Variants in AHCTF1 observed in about 807,000 individuals in gnomAD.
AHCTF1 encodes the protein AT-hook containing transcription factor 1, also known as protein ELYS.
In AHCTF1, 24 loss-of-function variants were observed where a neutral mutation model predicts 248.4. That is an observed-to-expected ratio of 0.10 (90% CI 0.07 to 0.14). The LOEUF is 0.14. Among genes scored for constraint, AHCTF1 ranks in the 10% least tolerant of loss-of-function variants. The pLI, the probability that AHCTF1 is intolerant of heterozygous loss-of-function variation, is 1.00. For synonymous variants in AHCTF1, 786 were observed against 929.8 expected (o/e 0.85, Z 2.81); for missense variants, 2,206 against 2,636.2 (o/e 0.84, Z 3.57).
At chr1:246,931,092 C>T in intron 1 of AHCTF1, 1 of 1,546,638 alleles carries the variant, frequency 6.5e-7, no homozygotes, top group Non-Finnish European at 8.7e-7. Context: ...CACGGCTGAG[C>T]CCCGAGTCCA....
At position 246,888,404 on chromosome 1, in the gene AHCTF1, G is replaced by C. The variant is rs759207132; in HGVS notation, c.2258C>G (p.Ala753Gly). Residue 753 changes from alanine to glycine, a missense_variant, in exon 18 of 36, where the codon GCT becomes GGT. By Grantham distance (60) the Ala-to-Gly change is moderately conservative. Around this residue, in one of 6 missense-constraint regions of AHCTF1, gnomAD observed 650 missense variants for 870.8 expected, o/e 0.75. Transcript: ENST00000648844. ...DEGGTGKYPP[A>G]SLHAVLDMYL... Reference sequence around the variant, plus strand: ...TTACTGCAAACCTACATGCAGACTAGCAGGAGGATATTTTCCTGTGCCTCC... The same window carrying C: ...TTACTGCAAACCTACATGCAGACTACCAGGAGGATATTTTCCTGTGCCTCC... The C allele has an allele frequency of 7.4e-6, 12 of 1,612,606 alleles. No homozygotes were observed. Among genetic ancestry groups the C allele is most frequent in the Non-Finnish European group, 8.5e-6 (10 of 1,179,986 alleles).
intron 1 of AHCTF1, among the ~76,000 whole-genome samples, chr1:246,928,619 T>C (rs1196561578): frequency 6.6e-6 from 1 of 152,202 alleles, no homozygotes; most frequent in Non-Finnish European, 1.5e-5. Flanking sequence ...TTAAAATTAC[T>C]AGGCCAGATA....
intron 12 of AHCTF1, among the ~76,000 whole-genome samples, chr1:246,897,990 C>A (rs941221987): frequency 6.6e-6 from 1 of 152,130 alleles, no homozygotes; most frequent in Non-Finnish European, 1.5e-5. Flanking sequence ...CTGTATCCTT[C>A]TATACAGCTA....
At chr1:246,857,339 C>T (rs1370472598) in intron 30 of AHCTF1, among the ~76,000 whole-genome samples, 1 of 152,210 alleles carries the variant, frequency 6.6e-6, no homozygotes, top group Non-Finnish European at 1.5e-5. Flanking sequence ...CTCCCCTGTG[C>T]TCTACTGTGT....
chr1:246,861,036 T>G lies in AHCTF1; in HGVS notation c.3995A>C (p.Glu1332Ala), dbSNP rs774900170. ...GGGCTTAGAGGCCGTGAAAACAGTC[T>G]CTTCAAGGTCTTCCGGTGACGGTGC... ...QDAPSPEDLE[E>A]TVFTASKPKS... The change falls in exon 29 of 36, where the codon GAG becomes GCG. Residue 1332 changes from glutamate (E) to alanine (A), a missense_variant. By Grantham distance (107) the Glu-to-Ala change is moderately radical. Coordinates refer to ENST00000648844, the MANE Select transcript of AHCTF1 (RefSeq NM_001323342.2). The G allele has an allele frequency of 6.2e-7, 1 of 1,613,988 alleles. No homozygotes were observed. The highest frequency in any genetic ancestry group is 1.7e-5 in the Admixed American group (1 of 60,018).
intron 33 of AHCTF1, among the ~76,000 whole-genome samples, chr1:246,849,219 C>T (rs192026887): frequency 5.3e-5 from 8 of 152,290 alleles, no homozygotes; most frequent in Admixed American, 2.0e-4. Flanking sequence ...TAAAAAGCTA[C>T]TGGTGTTTCC....
chr1:246,900,440 A>T lies in AHCTF1; in HGVS notation c.1147T>A (p.Phe383Ile). Residue 383 changes from phenylalanine to isoleucine, a missense_variant, in exon 9 of 36, where the codon TTT becomes ATT. Transcript: ENST00000648844. ...ALSPDTSVSV[F>I]TWQVNIYGQG... is the part of the protein sequence containing the mutation. Reference sequence around the variant, plus strand: ...CCATATATATTCACCTGCCAGGTAAAGACTGAAACACTAGTGTCAGGCGAT... The same window carrying T: ...CCATATATATTCACCTGCCAGGTAATGACTGAAACACTAGTGTCAGGCGAT... The T allele has an allele frequency of 6.3e-7, 1 of 1,594,128 alleles. No homozygotes were observed. The highest frequency in any genetic ancestry group is 8.5e-7 in the Non-Finnish European group (1 of 1,175,894).
chr1:246,874,104 C>A (rs1039699674), intron 24 of AHCTF1, among the ~76,000 whole-genome samples: 1 of 151,888 alleles, frequency 6.6e-6, no homozygotes, highest in African/African-American at 2.4e-5. Context: ...ATTTTATAAT[C>A]TTTTTTAATA....
At chr1:246,926,289 C>G (rs1208814051) in intron 1 of AHCTF1, among the ~76,000 whole-genome samples, 1 of 152,138 alleles carries the variant, frequency 6.6e-6, no homozygotes, top group Admixed American at 6.5e-5. Context: ...TAACGTATTT[C>G]TAATTCAAAC....
At position 246,907,743 on chromosome 1, in the gene AHCTF1, G is replaced by A. The variant is rs1268708557; in HGVS notation, c.572C>T (p.Thr191Ile). 1 of 1,612,402 alleles carries A rather than the reference G, an allele frequency of 6.2e-7. No individual in the cohort carries two copies. The highest frequency in any genetic ancestry group is 2.2e-5 in the East Asian group (1 of 44,824). The change falls in exon 5 of 36, where the codon ACT becomes ATT. Residue 191 changes from threonine to isoleucine, a missense_variant. Transcript: ENST00000648844. ...GTGTGGTACTTCAGCTGGGATACCAGTTAGAACTTCAAGATCTAAAACCAC... is the reference window on the plus strand; with the variant it reads ...GTGTGGTACTTCAGCTGGGATACCAATTAGAACTTCAAGATCTAAAACCAC... ...EVEASDLEVL[T>I]GIPAEVPHIR... is the part of the protein sequence containing the mutation.
chr1:246,848,862 C>CAAAAA (rs78528395), intron 33 of AHCTF1, among the ~76,000 whole-genome samples: 6 of 151,220 alleles, frequency 4.0e-5, no homozygotes, highest in African/African-American at 1.5e-4. Context: ...ACAAACAACA[C>CAAAAA]AAACCCCCTA....
chr1:246,839,497 T>C lies in AHCTF1; in HGVS notation c.*1309A>G. 2.0e-6 allele frequency: 2 copies of C among 984,634 alleles called. No homozygotes were observed. Among genetic ancestry groups the C allele is most frequent in the Admixed American group, 1.2e-4 (2 of 16,278 alleles). 61.0% of individuals were successfully genotyped at this position (984,634 alleles called of 1,614,324 possible). On this transcript the variant is annotated 3_prime_UTR_variant, in exon 36 of 36. Transcript: ENST00000648844. ...AGTAATAAAATCAAAGTCAGTGAAA[T>C]TTTCAACAAGGCAGCGTAACATCCA...
In AHCTF1 at chr1:246,840,433, T is replaced by A. The variant is rs1255956053; in HGVS notation, c.*373A>T. On this transcript the variant is annotated 3_prime_UTR_variant, in exon 36 of 36. Transcript: ENST00000648844. Reference sequence around the variant, plus strand: ...AATATCAATACTTCAATCATCCCCATTTTAAGACTGGTCTAGTATTTTAAT... The same window carrying A: ...AATATCAATACTTCAATCATCCCCAATTTAAGACTGGTCTAGTATTTTAAT... 1.3e-5 allele frequency: 2 copies of A among 153,528 alleles called. No individual in the cohort carries two copies. Among genetic ancestry groups the A allele is most frequent in the Non-Finnish European group, 2.9e-5 (2 of 68,700 alleles). The allele number at this position is 153,528 out of a possible 1,614,324, so 9.5% of individuals were successfully genotyped here. A position where few individuals can be genotyped will look rare whatever the true frequency, so the allele number is the denominator to read the frequency against.
chr1:246,907,481 T>C lies in AHCTF1; in HGVS notation c.764+70A>G, dbSNP rs552530112. The C allele has an allele frequency of 3.0e-5, 40 of 1,339,422 alleles. No homozygotes were observed. The South Asian group carries it at 5.0e-4, about 17-fold the overall frequency. 83.0% of individuals were successfully genotyped at this position (1,339,422 alleles called of 1,614,324 possible). A position where few individuals can be genotyped will look rare whatever the true frequency, so the allele number is the denominator to read the frequency against. On this transcript the variant is annotated intron_variant, in intron 5 of 35. Transcript: ENST00000648844. Reference sequence around the variant, plus strand: ...TCTCACTATGCTAACTTTCAAATATTAGTAAATGAGTACAAGCTATATGCA... The same window carrying C: ...TCTCACTATGCTAACTTTCAAATATCAGTAAATGAGTACAAGCTATATGCA...
chr1:246,858,404 G>A (rs901904947), intron 29 of AHCTF1, among the ~76,000 whole-genome samples: 1 of 152,140 alleles, frequency 6.6e-6, no homozygotes. Flanking sequence ...AAGTAGATAA[G>A]AAAACTGAAG....
chr1:246,869,476 T>C (rs925979166), intron 24 of AHCTF1, among the ~76,000 whole-genome samples: 7 of 152,186 alleles, frequency 4.6e-5, no homozygotes, highest in African/African-American at 1.7e-4. Flanking sequence ...AGTGAACACA[T>C]GAATGGAGAA....
Position 246,907,626 on chromosome 1 carries a change from C to T in AHCTF1, c.689G>A (p.Ser230Asn), listed in dbSNP as rs1335042620. 2.5e-6 allele frequency: 4 copies of T among 1,613,690 alleles called. No homozygotes were observed. Among genetic ancestry groups the T allele is most frequent in the Non-Finnish European group, 3.4e-6 (4 of 1,179,808 alleles). The change falls in exon 5 of 36, where the codon AGC (serine) becomes AAC (asparagine). Residue 230 changes from serine (S) to asparagine (N), a missense_variant. Physicochemically the swap from Ser to Asn is conservative, Grantham distance 46. Around this residue, in one of 6 missense-constraint regions of AHCTF1, gnomAD observed 650 missense variants for 870.8 expected, o/e 0.75. Transcript: ENST00000648844. The part of the protein sequence containing the change: ...GTAVSTLSYI[S>N]RTNQLAVGFS... Reference sequence around the variant, plus strand: ...ACCTACAGCAAGCTGATTTGTCCTGCTTATGTAACTAAGAGTTGAAACAGC... The same window carrying T: ...ACCTACAGCAAGCTGATTTGTCCTGTTTATGTAACTAAGAGTTGAAACAGC...
chr1:246,902,967 T>C (rs1180936056), intron 7 of AHCTF1, among the ~76,000 whole-genome samples: 1 of 152,194 alleles, frequency 6.6e-6, no homozygotes, highest in African/African-American at 2.4e-5. Context: ...CAAAATTATA[T>C]ATGCATATAT....
chr1:246,855,055 A>G (rs1661016082), intron 31 of AHCTF1, among the ~76,000 whole-genome samples: 1 of 152,248 alleles, frequency 6.6e-6, no homozygotes, highest in African/African-American at 2.4e-5. Flanking sequence ...CTTGCCGTAT[A>G]CCCCATTCAT....
Sources: gnomAD v4.1 joint callset for allele counts (sites outside exome capture counted in the v4.1 genomes callset) on GRCh38, gnomAD v4.1.1 for gene constraint, gnomAD v4.1.1 regional missense constraint, MANE v1.5 for transcripts, NCBI Gene and HGNC (gene_info 2026-07-23, HGNC 2026-07-21) for gene names.